The following RAD51 variants were observed in gnomAD, a reference collection of about 807,000 sequenced individuals.
RAD51 encodes the protein RAD51 recombinase.
In RAD51, 14 loss-of-function variants were observed where a neutral mutation model predicts 41.5. That is an observed-to-expected ratio of 0.34 (90% CI 0.22 to 0.53). RAD51 has a LOEUF of 0.53. Among genes scored for constraint, RAD51 ranks in the 20% least tolerant of loss-of-function variants. The pLI is 0.95. For synonymous variants in RAD51, 136 were observed against 148.6 expected (o/e 0.92, Z 0.62); for missense variants, 234 against 422.0 (o/e 0.55, Z 3.90).
At chr15:40,710,221 G>A (rs1382445660) in intron 5 of RAD51, among the ~76,000 whole-genome samples, 11 of 121,882 alleles carry the variant, frequency 9.0e-5, no homozygotes, top group South Asian at 2.8e-4. Context: ...CAGCCTGGGC[G>A]ACAGAGCGAG....
intron 2 of RAD51, among the ~76,000 whole-genome samples, chr15:40,699,679 C>G (rs529363256): frequency 6.6e-6 from 1 of 152,306 alleles, no homozygotes; most frequent in African/African-American, 2.4e-5. Context: ...AGGGAAGCAC[C>G]TTCTCTCCAT....
Position 40,729,879 on chromosome 15 carries a change from T to C in RAD51, c.801T>C (p.Asn267=), listed in dbSNP as rs1312150624. ...DEFGVAVVIT[N]QVVAQVDGAA... ...TTGGTGTAGCAGTGGTAATCACTAA[T>C]CAGGTGGTAGCTCAAGTGGATGGAG... The change falls in exon 9 of 10, where the codon AAT becomes AAC. Residue 267 remains asparagine, a synonymous_variant. Coordinates refer to ENST00000267868, the MANE Select transcript of RAD51 (RefSeq NM_002875.5). The C allele has an allele frequency of 1.2e-6, 2 of 1,614,218 alleles. No homozygotes were observed. Among genetic ancestry groups the C allele is most frequent in the East Asian group, 4.5e-5 (2 of 44,890 alleles).
At chr15:40,715,371 C>T (rs200916024) in intron 5 of RAD51, among the ~76,000 whole-genome samples, 2 of 133,546 alleles carry the variant, frequency 1.5e-5, no homozygotes, top group East Asian at 4.9e-4. Flanking sequence ...AAACCAAAAA[C>T]CAAAAAACCA....
Position 40,731,647 on chromosome 15 carries a change from T to G in RAD51, c.*469T>G, listed in dbSNP as rs547696537. ...GTCAGTAAAACTCTCAAGCAGGTTT[T>G]TAAGTTGTCTGTCTGAATGATCTTG... On this transcript the variant is annotated 3_prime_UTR_variant, in exon 10 of 10. Transcript: ENST00000267868. The G allele has an allele frequency of 4.0e-6, 1 of 247,304 alleles. No individual in the cohort carries two copies. Among genetic ancestry groups the G allele is most frequent in the Non-Finnish European group, 8.0e-6 (1 of 124,936 alleles). The allele number at this position is 247,304 out of a possible 1,614,324, so 15.3% of individuals were successfully genotyped here. A position where few individuals can be genotyped will look rare whatever the true frequency, so the allele number is the denominator to read the frequency against.
chr15:40,729,411 A>G (rs1896757555), intron 7 of RAD51, 94 bp from the exon 8 acceptor site: 1 of 1,449,076 alleles, frequency 6.9e-7, no homozygotes, highest in South Asian at 1.2e-5. Context: ...GTATACAGGA[A>G]AAACTATGAA....
chr15:40,718,530 A>G (rs546060892), intron 5 of RAD51, among the ~76,000 whole-genome samples: 1 of 148,218 alleles, frequency 6.7e-6, no homozygotes, highest in South Asian at 2.2e-4. Flanking sequence ...AAAAAAAAAA[A>G]GAAGAAAAGA....
chr15:40,714,182 T>C (rs1241559887), intron 5 of RAD51, among the ~76,000 whole-genome samples: 1 of 152,074 alleles, frequency 6.6e-6, no homozygotes, highest in East Asian at 1.9e-4. Context: ...GGAGGATGCT[T>C]AGGAGACCTT....
rs150163684 is a variant in RAD51, at chr15:40,702,976, C to G, written c.225+1775C>G. Among the ~76,000 whole-genome samples the G allele has an allele frequency of 1.0e-3, 153 of 152,332 alleles. 1 individual carries two copies. Among genetic ancestry groups the G allele is most frequent in the African/African-American group, 3.5e-3 (146 of 41,572 alleles). ...TAGCTGGGACTATAGGCACATGCCA[C>G]TAGCCTGACCATTTCTACCAGTTTT... is the stretch of plus-strand genomic sequence containing the variant. On this transcript the variant is annotated intron_variant, in intron 3 of 9. Transcript: ENST00000267868.
rs569210940 is a variant in RAD51 at position 40,703,536 on chromosome 15, T to A, written c.225+2335T>A. 3.3e-5 allele frequency among the ~76,000 whole-genome samples: 5 copies of A among 152,256 alleles called. No homozygotes were observed. In the South Asian group the frequency reaches 1.0e-3, roughly 31 times the overall value. ...TTTCTATGGGTCTATTTAGATTTTC[T>A]TCTTGAGTGAGTTTTGGTAGTTTAT... On this transcript the variant is annotated intron_variant, in intron 3 of 9. Coordinates refer to ENST00000267868, the MANE Select transcript of RAD51 (RefSeq NM_002875.5).
chr15:40,704,009 CCTT>C (rs1475757052), intron 3 of RAD51, among the ~76,000 whole-genome samples: 2 of 151,874 alleles, frequency 1.3e-5, no homozygotes, highest in Non-Finnish European at 2.9e-5. Flanking sequence ...CTCAAACAAA[CCTT>C]CTGCCTCAGC....
chr15:40,727,457 C>T (rs1461565363), intron 6 of RAD51, among the ~76,000 whole-genome samples: 1 of 151,914 alleles, frequency 6.6e-6, no homozygotes, highest in Non-Finnish European at 1.5e-5. Context: ...GCAGGGATTA[C>T]AGGCGCCTGC....
intron 5 of RAD51, among the ~76,000 whole-genome samples, chr15:40,717,514 T>C (rs1896050040): frequency 6.6e-6 from 1 of 152,200 alleles, no homozygotes; most frequent in African/African-American, 2.4e-5. Flanking sequence ...GTATCTGGTA[T>C]GGAATGGGTA....
intron 4 of RAD51, among the ~76,000 whole-genome samples, chr15:40,707,787 G>T (rs1399164588): frequency 1.3e-5 from 2 of 151,676 alleles, no homozygotes; most frequent in African/African-American, 4.9e-5. Flanking sequence ...GCACAATCTC[G>T]GCTCATTGCA....
chr15:40,730,311 A>G (rs1007601243), intron 9 of RAD51, among the ~76,000 whole-genome samples: 3 of 152,026 alleles, frequency 2.0e-5, no homozygotes, highest in Non-Finnish European at 4.4e-5. Context: ...GGAATTCGAC[A>G]CTAGTAAGGG....
intron 4 of RAD51, 122 bp downstream of exon 4, chr15:40,706,416 G>T (rs1395585859): frequency 1.1e-6 from 1 of 880,900 alleles, no homozygotes; most frequent in Non-Finnish European, 1.9e-6. Flanking sequence ...ATAGAGGAAG[G>T]CCAGGTGCAG....
intron 6 of RAD51, 36 bp from the exon 7 acceptor site, chr15:40,728,675 G>T (rs533268985): frequency 6.4e-7 from 1 of 1,555,330 alleles, no homozygotes; most frequent in Non-Finnish European, 8.9e-7. Context: ...CCTGAGTTCT[G>T]TGTGCAGCCT....
chr15:40,704,387 A>C, intron 3 of RAD51, among the ~76,000 whole-genome samples: 2 of 114,894 alleles, frequency 1.7e-5, no homozygotes, highest in African/African-American at 3.5e-5. Flanking sequence ...TTTCTGATGC[A>C]GTCTCACTCT....
chr15:40,699,816 A>G (rs1388694196), intron 2 of RAD51, among the ~76,000 whole-genome samples: 38 of 152,160 alleles, frequency 2.5e-4, no homozygotes, highest in Admixed American at 2.5e-3. Context: ...GAGGCCTTAC[A>G]CTATTTCTGC....
At chr15:40,725,937 G>A (rs1164490948) in intron 6 of RAD51, among the ~76,000 whole-genome samples, 1 of 151,850 alleles carries the variant, frequency 6.6e-6, no homozygotes, top group African/African-American at 2.4e-5. Flanking sequence ...AGTGAGCCAG[G>A]ATCGTGCCAC....
Sources: allele counts gnomAD v4.1 joint callset (sites outside exome capture counted in the v4.1 genomes callset), GRCh38; gene constraint gnomAD v4.1.1; transcripts MANE v1.5; gene names NCBI Gene and HGNC (gene_info 2026-07-23, HGNC 2026-07-21).